The following NTNG1 variants were observed in gnomAD, a reference collection of about 807,000 sequenced individuals.
NTNG1 encodes the protein netrin-G1.
Under a neutral mutation model 54.0 loss-of-function variants are expected in NTNG1, and 16 were observed. That is an observed-to-expected ratio of 0.30 (90% CI 0.20 to 0.45). The LOEUF (loss-of-function observed/expected upper bound fraction) is 0.45. Ranked by LOEUF, NTNG1 falls within the 20% of genes least tolerant of loss-of-function variation. The pLI, the probability that NTNG1 is intolerant of heterozygous loss-of-function variation, is 1.00. For missense variants in NTNG1, 530 were observed against 678.7 expected (o/e 0.78, Z 2.43); for synonymous variants, 255 against 263.1 (o/e 0.97, Z 0.30).
intron 3 of NTNG1, among the ~76,000 whole-genome samples, chr1:107,345,988 A>G (rs1049632694): frequency 6.6e-6 from 1 of 152,176 alleles, no homozygotes; most frequent in Non-Finnish European, 1.5e-5. Context: ...GAAAAGGTAC[A>G]GTTACATCAA....
rs1204333281 is a variant in NTNG1 at position 107,148,322 on chromosome 1, G to T, written c.-272G>T. ...TCTAATAGATATGTTCTAAGACAAA[G>T]AAAAAGCTGCAAGTTGTTAACGCCT... On this transcript the variant is annotated 5_prime_UTR_variant, in exon 2 of 8. Transcript: ENST00000370068. The T allele has an allele frequency of 2.6e-6, 1 of 380,864 alleles. No homozygotes were observed. The highest frequency in any genetic ancestry group is 2.1e-5 in the African/African-American group (1 of 48,668). The allele number at this position is 380,864 out of a possible 1,614,324, so 23.6% of individuals were successfully genotyped here.
intron 4 of NTNG1, among the ~76,000 whole-genome samples, chr1:107,403,425 T>C (rs2587896): frequency 0.96 from 146,774 of 152,206 alleles, 70,991 homozygotes; most frequent in East Asian, 1. Flanking sequence ...ACTCATGCAC[T>C]GGGGCTGAGC....
intron 2 of NTNG1, among the ~76,000 whole-genome samples, chr1:107,189,834 G>GAAA (rs1557793970): frequency 9.6e-5 from 14 of 146,164 alleles, no homozygotes; most frequent in South Asian, 2.1e-4. Context: ...AAAAAAAAAG[G>GAAA]GGGGGGCCTT....
intron 3 of NTNG1, among the ~76,000 whole-genome samples, chr1:107,337,424 A>G (rs1668649178): frequency 6.6e-6 from 1 of 152,004 alleles, no homozygotes; most frequent in African/African-American, 2.4e-5. Context: ...AATTCATAGA[A>G]ATAAAGTATA....
At chr1:107,469,277 T>C (rs1677823170) in intron 7 of NTNG1, among the ~76,000 whole-genome samples, 1 of 152,116 alleles carries the variant, frequency 6.6e-6, no homozygotes, top group African/African-American at 2.4e-5. Context: ...ACCATGTGTA[T>C]GGGAATCTTT....
intron 3 of NTNG1, among the ~76,000 whole-genome samples, chr1:107,346,884 T>TAAAAAAAAAA (rs537482440): frequency 3.1e-5 from 3 of 97,140 alleles, no homozygotes; most frequent in Non-Finnish European, 5.9e-5. Context: ...TTTTCTATCC[T>TAAAAAAAAAA]AAAAAAAAAA....
chr1:107,464,582 T>C (rs2101556636), intron 7 of NTNG1, among the ~76,000 whole-genome samples: 1 of 152,162 alleles, frequency 6.6e-6, no homozygotes, highest in East Asian at 1.9e-4. Context: ...GAAAAACAAT[T>C]AGAACCCTGG....
chr1:107,347,484 C>T (rs887576560), intron 3 of NTNG1, among the ~76,000 whole-genome samples: 6 of 152,138 alleles, frequency 3.9e-5, no homozygotes, highest in Non-Finnish European at 7.3e-5. Context: ...CACTGCATTC[C>T]AATTTGGTCA....
chr1:107,145,053 GT>G (rs1202511895), intron 1 of NTNG1, among the ~76,000 whole-genome samples: 1 of 151,978 alleles, frequency 6.6e-6, no homozygotes, highest in Non-Finnish European at 1.5e-5. Context: ...GAAGGGATAG[GT>G]TTAGTATATT....
intron 5 of NTNG1, chr1:107,410,452 C>T (rs532302768): frequency 1.2e-4 from 19 of 152,262 alleles, no homozygotes; most frequent in African/African-American, 4.6e-4. Context: ...TATCTATTAA[C>T]AAATAGGTTT....
chr1:107,253,974 A>G (rs1274661205), intron 2 of NTNG1, among the ~76,000 whole-genome samples: 1 of 152,200 alleles, frequency 6.6e-6, no homozygotes, highest in African/African-American at 2.4e-5. Context: ...GCTTAGATTA[A>G]TTATTTTGTT....
chr1:107,269,474 G>C (rs11185078), intron 2 of NTNG1, among the ~76,000 whole-genome samples: 95,085 of 152,050 alleles, frequency 0.63, 31,101 homozygotes, highest in Non-Finnish European at 0.73. Flanking sequence ...TACAATGTTA[G>C]TTTGTTTGTT....
At chr1:107,434,497 C>G (rs1211390494) in intron 6 of NTNG1, among the ~76,000 whole-genome samples, 1 of 152,110 alleles carries the variant, frequency 6.6e-6, no homozygotes, top group East Asian at 1.9e-4. Context: ...TGGTTTGTGA[C>G]CCTGAGTAAT....
chr1:107,268,614 A>G (rs1663919339), intron 2 of NTNG1, among the ~76,000 whole-genome samples: 1 of 151,786 alleles, frequency 6.6e-6, no homozygotes, highest in South Asian at 2.1e-4. Context: ...AGTGTGAACT[A>G]TATGTTGATA....
intron 3 of NTNG1, among the ~76,000 whole-genome samples, chr1:107,345,389 A>G (rs1669155869): frequency 6.6e-6 from 1 of 152,186 alleles, no homozygotes; most frequent in Non-Finnish European, 1.5e-5. Flanking sequence ...CCAAAGGGTT[A>G]TTTTCAAAGT....
At chr1:107,197,385 G>GA (rs1467661864) in intron 2 of NTNG1, among the ~76,000 whole-genome samples, 1 of 151,936 alleles carries the variant, frequency 6.6e-6, no homozygotes, top group Non-Finnish European at 1.5e-5. Flanking sequence ...CAATACTTTG[G>GA]AATTTTGTTC....
chr1:107,466,976 A>C (rs1279365212), intron 7 of NTNG1, among the ~76,000 whole-genome samples: 1 of 152,148 alleles, frequency 6.6e-6, no homozygotes, highest in Non-Finnish European at 1.5e-5. Flanking sequence ...TTTCTTAACC[A>C]ATGAAGAAAG....
intron 3 of NTNG1, among the ~76,000 whole-genome samples, chr1:107,367,786 G>C (rs572316774): frequency 7.2e-5 from 11 of 151,796 alleles, no homozygotes. Flanking sequence ...TTGTTGACAT[G>C]GAGTCTCACT....
chr1:107,305,457 G>C (rs1666626690), intron 2 of NTNG1, among the ~76,000 whole-genome samples: 1 of 151,922 alleles, frequency 6.6e-6, no homozygotes. Flanking sequence ...TATCTAATTG[G>C]GGTTTTCATT....
Sources: allele counts gnomAD v4.1 joint callset (sites outside exome capture counted in the v4.1 genomes callset), GRCh38; gene constraint gnomAD v4.1.1; transcripts MANE v1.5; gene names NCBI Gene and HGNC (gene_info 2026-07-23, HGNC 2026-07-21).